TRMT9B: variants seen among roughly 807,000 people sequenced by gnomAD.
TRMT9B encodes probable tRNA methyltransferase 9B.
In TRMT9B, 16 loss-of-function variants were observed where a neutral mutation model predicts 11.5. The ratio of observed to expected loss-of-function variants is 1.39; its 90% confidence interval spans 0.94 to 2.11. TRMT9B has a LOEUF of 2.11. TRMT9B is among the 30% of genes most tolerant of loss of function. The pLI is 0.00. For synonymous variants in TRMT9B, 274 were observed against 192.4 expected, an observed-to-expected ratio of 1.42 and a Z score of -3.51; for missense variants, 941 against 553.8, an observed-to-expected ratio of 1.70 and a Z score of -7.02.
At chr8:12,972,255 G>A (rs1439530180) in intron 1 of TRMT9B, among the ~76,000 whole-genome samples, 1 of 152,166 alleles carries the variant, frequency 6.6e-6, no homozygotes, top group Non-Finnish European at 1.5e-5. Context: ...CTAGAAGCTT[G>A]GACGAGGGGT....
chr8:13,002,806 C>T (rs561669701), intron 2 of TRMT9B, among the ~76,000 whole-genome samples: 3 of 152,128 alleles, frequency 2.0e-5, no homozygotes, highest in East Asian at 1.9e-4. Flanking sequence ...GGGAAGACAC[C>T]GTCTTACCCA....
chr8:12,946,649 T>C (rs185810937), intron 1 of TRMT9B, among the ~76,000 whole-genome samples: 25 of 152,274 alleles, frequency 1.6e-4, no homozygotes, highest in African/African-American at 5.8e-4. Flanking sequence ...TTTTGAGAAA[T>C]CTACACAGCG....
Position 13,021,205 on chromosome 8 carries a change from G to A in TRMT9B, c.526G>A (p.Gly176Arg). The change falls in exon 5 of 5, where the codon GGG becomes AGG. Residue 176 changes from glycine to arginine, a missense_variant. Coordinates refer to ENST00000524591, the MANE Select transcript of TRMT9B (RefSeq NM_020844.3). Reference protein sequence around the residue: ...SQLFSESSQSGRKRQCGYPER... With the variant: ...SQLFSESSQSRRKRQCGYPER... ...GCTCTTCTCAGAGTCCAGCCAGTCT[G>A]GGAGGAAGAGGCAGTGTGGATACCC... is the stretch of plus-strand genomic sequence containing the variant. 6.2e-7 allele frequency: 1 copy of A among 1,613,816 alleles called. No homozygotes were observed. The highest frequency in any genetic ancestry group is 8.5e-7 in the Non-Finnish European group (1 of 1,179,786).
chr8:13,005,599 G>A (rs375402311), intron 2 of TRMT9B, among the ~76,000 whole-genome samples: 122 of 152,166 alleles, frequency 8.0e-4, no homozygotes, highest in African/African-American at 2.7e-3. Flanking sequence ...TAAATAAGAA[G>A]CAACACAACC....
At chr8:12,961,015 C>T (rs1318727304) in intron 1 of TRMT9B, among the ~76,000 whole-genome samples, 1 of 152,104 alleles carries the variant, frequency 6.6e-6, no homozygotes, top group East Asian at 1.9e-4. Flanking sequence ...ATGGTGCGTG[C>T]CTGTAGTCCC....
At chr8:13,002,356 C>T (rs1459699904) in intron 2 of TRMT9B, among the ~76,000 whole-genome samples, 3 of 152,114 alleles carry the variant, frequency 2.0e-5, no homozygotes, top group South Asian at 2.1e-4. Flanking sequence ...AAAGGGGAAA[C>T]GTAAATAGAC....
chr8:12,959,437 G>A (rs79671611), intron 1 of TRMT9B, among the ~76,000 whole-genome samples: 8,294 of 148,982 alleles, frequency 0.056, 283 homozygotes, highest in South Asian at 0.1. Flanking sequence ...ATGCAAATAT[G>A]CCACAACTGG....
At position 13,010,258 on chromosome 8, in the gene TRMT9B, AT is replaced by A. The variant is rs563183479; in HGVS notation, c.155-2420del. ...ATCTTTTGAATTTTGTACTATATAC[AT>A]TTTTTAAACTATTCAATAAATAGGG... On this transcript the variant is annotated intron_variant, in intron 3 of 4. Transcript: ENST00000524591. 5.6e-6 allele frequency: 5 copies of A among 894,250 alleles called. No homozygotes were observed. In the South Asian group the frequency reaches 1.5e-4, roughly 28 times the overall value. 55.4% of individuals were successfully genotyped at this position (894,250 alleles called of 1,614,324 possible).
chr8:13,006,195 T>A lies in TRMT9B; in HGVS notation c.-1-7T>A. On this transcript the variant is annotated splice_polypyrimidine_tract_variant and splice_region_variant and intron_variant, in intron 2 of 4. Coordinates refer to ENST00000524591, the MANE Select transcript of TRMT9B (RefSeq NM_020844.3). ...TGCATGCCTTGGGTTGGTCCTGTTTTCTCCAGGATGGATCATGAAGCCGCC... is the reference window on the plus strand; with the variant it reads ...TGCATGCCTTGGGTTGGTCCTGTTTACTCCAGGATGGATCATGAAGCCGCC... 2 of 1,613,700 alleles carry A rather than the reference T, an allele frequency of 1.2e-6. No homozygotes were observed. The highest frequency in any genetic ancestry group is 8.5e-7 in the Non-Finnish European group (1 of 1,179,734).
intron 1 of TRMT9B, among the ~76,000 whole-genome samples, chr8:12,965,556 G>C (rs1802697900): frequency 6.6e-6 from 1 of 152,030 alleles, no homozygotes; most frequent in Non-Finnish European, 1.5e-5. Context: ...CCTGTCTGAT[G>C]ACCCGAAAGT....
intron 1 of TRMT9B, among the ~76,000 whole-genome samples, chr8:12,989,079 T>G (rs2139796): frequency 6.8e-6 from 1 of 147,856 alleles, no homozygotes; most frequent in African/African-American, 2.6e-5. Flanking sequence ...AATACAGAAA[T>G]TTTTTTTTTT....
Position 13,021,908 on chromosome 8 carries a change from G to C in TRMT9B, c.1229G>C (p.Arg410Pro), listed in dbSNP as rs537507417. The C allele has an allele frequency of 3.7e-6, 6 of 1,613,602 alleles. No homozygotes were observed. The African/African-American group carries it at 6.7e-5, about 18-fold the overall frequency. ...TDVLDSTAFM[R>P]YYHVFREGEL... ...GTTTTGGACTCCACAGCCTTTATGCGCTACTACCATGTGTTTCGAGAAGGG... is the reference window on the plus strand; with the variant it reads ...GTTTTGGACTCCACAGCCTTTATGCCCTACTACCATGTGTTTCGAGAAGGG... The change falls in exon 5 of 5, where the codon CGC (arginine) becomes CCC (proline). Residue 410 changes from arginine to proline, a missense_variant. Physicochemically the swap from Arg to Pro is moderately radical, Grantham distance 103 (BLOSUM62 -2). Coordinates refer to ENST00000524591, the MANE Select transcript of TRMT9B (RefSeq NM_020844.3).
intron 1 of TRMT9B, chr8:12,951,933 G>A (rs1800675040): frequency 6.6e-6 from 1 of 152,596 alleles, no homozygotes; most frequent in Non-Finnish European, 1.5e-5. Flanking sequence ...ACTTCTCTTT[G>A]GAAGCCCCGA....
In TRMT9B at chr8:12,983,702, G is replaced by C. The variant is rs189015147; in HGVS notation, c.-199-7132G>C. On this transcript the variant is annotated intron_variant, in intron 1 of 4. Coordinates refer to ENST00000524591, the MANE Select transcript of TRMT9B (RefSeq NM_020844.3). ...TAATAATAATAAAACCCTTCTAGCAGAATGTCTCCTCATCCCTAGAGGCCC... is the reference window on the plus strand; with the variant it reads ...TAATAATAATAAAACCCTTCTAGCACAATGTCTCCTCATCCCTAGAGGCCC... Among the ~76,000 whole-genome samples, 1,003 of 152,190 alleles carry C rather than the reference G, an allele frequency of 6.6e-3. 12 individuals carry two copies. Among genetic ancestry groups the C allele is most frequent in the Admixed American group, 0.022 (329 of 15,270 alleles).
chr8:12,976,463 G>C (rs1246353189), intron 1 of TRMT9B, among the ~76,000 whole-genome samples: 1 of 151,932 alleles, frequency 6.6e-6, no homozygotes, highest in Admixed American at 6.6e-5. Context: ...ATATGGGCCG[G>C]GTGCAGTGGC....
rs750666886 is a variant in TRMT9B, at chr8:13,021,166, G to A, written c.487G>A (p.Ala163Thr). 2.5e-6 allele frequency: 4 copies of A among 1,613,786 alleles called. No individual in the cohort carries two copies. Among genetic ancestry groups the A allele is most frequent in the Non-Finnish European group, 3.4e-6 (4 of 1,179,830 alleles). ...KQDVLVPWNR[A>T]LCSQLFSESS... ...AGACGTGCTTGTTCCATGGAACAGG[G>A]CTCTGTGTTCCCAGCTCTTCTCAGA... Residue 163 changes from alanine (A) to threonine (T), a missense_variant, in exon 5 of 5, where the codon GCT becomes ACT. Physicochemically the swap from Ala to Thr is moderately conservative, Grantham distance 58. Coordinates refer to ENST00000524591, the MANE Select transcript of TRMT9B (RefSeq NM_020844.3).
intron 1 of TRMT9B, among the ~76,000 whole-genome samples, chr8:12,953,911 G>C (rs1410521197): frequency 2.0e-5 from 3 of 152,158 alleles, no homozygotes; most frequent in African/African-American, 7.2e-5. Context: ...GATCAGATTT[G>C]AAAAGAGAGC....
At chr8:12,960,674 T>A (rs1003114473) in intron 1 of TRMT9B, among the ~76,000 whole-genome samples, 2 of 152,216 alleles carry the variant, frequency 1.3e-5, no homozygotes, top group Non-Finnish European at 2.9e-5. Flanking sequence ...GGTGGAACCC[T>A]AAATGCATAT....
At chr8:12,997,567 G>T (rs1044603324) in intron 2 of TRMT9B, among the ~76,000 whole-genome samples, 6 of 152,158 alleles carry the variant, frequency 3.9e-5, no homozygotes, top group African/African-American at 7.2e-5. Flanking sequence ...GTTGCATATG[G>T]TTGCAAACTT....
Sources: allele counts gnomAD v4.1 joint callset (sites outside exome capture counted in the v4.1 genomes callset), GRCh38; gene constraint gnomAD v4.1.1; transcripts MANE v1.5; gene names NCBI Gene and HGNC (gene_info 2026-07-23, HGNC 2026-07-21).